DNAI2: variants seen among roughly 807,000 people sequenced by gnomAD.
DNAI2 encodes dynein, axonemal, intermediate polypeptide 2.
Under a neutral mutation model 74.7 loss-of-function variants are expected in DNAI2, and 63 were observed. That is an observed-to-expected ratio of 0.84 (90% CI 0.69 to 1.04). The LOEUF (loss-of-function observed/expected upper bound fraction) is 1.04. Among genes scored for constraint, DNAI2 ranks in the 50% least tolerant of loss-of-function variants. The probability of loss-of-function intolerance (pLI) is 0.00; values close to 1 mark genes in which losing one functional copy is unlikely to be tolerated. For missense variants in DNAI2, 688 were observed against 803.2 expected (o/e 0.86, Z 1.73); for synonymous variants, 289 against 314.9 (o/e 0.92, Z 0.87).
rs1263482357 is a variant in DNAI2, at chr17:74,305,336, G to A, written c.1105G>A (p.Ala369Thr). ...TFPGHHGPIYALQRNPFYPKN... is the reference protein window; with the variant it reads ...TFPGHHGPIYTLQRNPFYPKN... Reference sequence around the variant, plus strand: ...CCCGGGCCATCATGGCCCCATCTACGCCCTCCAGAGAAACCCCTTCTACCC... The same window carrying A: ...CCCGGGCCATCATGGCCCCATCTACACCCTCCAGAGAAACCCCTTCTACCC... The change falls in exon 9 of 14, where the codon GCC becomes ACC. Residue 369 changes from alanine (A) to threonine (T), a missense_variant. Ala to Thr is a moderately conservative substitution (Grantham distance 58). Transcript: ENST00000311014. 57 of 1,614,036 alleles carry A rather than the reference G, an allele frequency of 3.5e-5. No individual in the cohort carries two copies. Among genetic ancestry groups the A allele is most frequent in the Non-Finnish European group, 4.3e-5 (51 of 1,180,046 alleles).
intron 6 of DNAI2, among the ~76,000 whole-genome samples, chr17:74,296,316 A>AGAGAAAGAGAGAGAGAGAG (rs1598304438): frequency 1.0e-5 from 1 of 97,668 alleles, no homozygotes; most frequent in East Asian, 2.2e-4. Flanking sequence ...CTTTAAAGAG[A>AGAGAAAGAGAGAGAGAGAG]GAGAGAGAGA....
At chr17:74,306,893 C>G (rs1251672656) in intron 9 of DNAI2, among the ~76,000 whole-genome samples, 1 of 152,256 alleles carries the variant, frequency 6.6e-6, no homozygotes, top group African/African-American at 2.4e-5. Flanking sequence ...GCTGGGATTA[C>G]AGGCATGAGC....
At position 74,309,342 on chromosome 17, in the gene DNAI2, T is replaced by A. The variant is rs201294141; in HGVS notation, c.1301T>A (p.Ile434Asn). 6 of 1,614,170 alleles carry A rather than the reference T, an allele frequency of 3.7e-6. No homozygotes were observed. The African/African-American group carries it at 6.7e-5, about 18-fold the overall frequency. Residue 434 changes from isoleucine (I) to asparagine (N), a missense_variant, in exon 10 of 14, where the codon ATC becomes AAC. Transcript: ENST00000311014. ...ACCAGGATGGACGGAACCCTGGATA[T>A]CTGGGACTTCATGTTCGAGCAGTGC... Reference protein sequence around the residue: ...FTTRMDGTLDIWDFMFEQCDP... With the variant: ...FTTRMDGTLDNWDFMFEQCDP...
At chr17:74,310,300 G>A in intron 11 of DNAI2, 137 bp downstream of exon 11, 1 of 1,311,290 alleles carries the variant, frequency 7.6e-7, no homozygotes, top group East Asian at 2.5e-5. Context: ...GGGAAGCAGT[G>A]TGGGCTCCAT....
chr17:74,292,802 CTA>C (rs1405293041), intron 6 of DNAI2, among the ~76,000 whole-genome samples: 2 of 150,366 alleles, frequency 1.3e-5, no homozygotes, highest in African/African-American at 4.9e-5. Flanking sequence ...CTTGAGAAGA[CTA>C]TATTCTGCTT....
At chr17:74,304,920 C>T (rs1246314407) in intron 8 of DNAI2, among the ~76,000 whole-genome samples, 3 of 152,170 alleles carry the variant, frequency 2.0e-5, no homozygotes, top group African/African-American at 7.2e-5. Flanking sequence ...CCAAATGCAT[C>T]GAGGACACAG....
At chr17:74,299,115 A>C (rs576490204) in intron 6 of DNAI2, among the ~76,000 whole-genome samples, 44 of 152,164 alleles carry the variant, frequency 2.9e-4, no homozygotes, top group Non-Finnish European at 4.6e-4. Flanking sequence ...ATGGAAACGA[A>C]ATCTAACAGG....
At chr17:74,301,204 T>C (rs200279879) in intron 8 of DNAI2, 36 bp downstream of exon 8, 74 of 1,611,718 alleles carry the variant, frequency 4.6e-5, no homozygotes, top group Admixed American at 1.3e-4. Flanking sequence ...CCGACTTGCA[T>C]TGACAGGGCA....
In DNAI2 at chr17:74,281,991, G is replaced by A. The variant is rs1381867544; in HGVS notation, c.174G>A (p.Ser58=). 5 of 1,613,958 alleles carry A rather than the reference G, an allele frequency of 3.1e-6. No individual in the cohort carries two copies. The highest frequency in any genetic ancestry group is 1.1e-5 in the South Asian group (1 of 91,074). The part of the protein sequence containing the change: ...DTGIQCSISM[S]EHEANSERFE... The stretch of plus-strand genomic sequence containing the variant: ...GCATCCAGTGCTCGATCAGCATGTC[G>A]GAACACGAGGTGGGTCCCTGCCCCA... Residue 58 remains serine, a synonymous_variant, in exon 2 of 14, where the codon TCG becomes TCA. Transcript: ENST00000311014.
rs778997016 is a variant in DNAI2, at chr17:74,305,403, G to C, written c.1172G>C (p.Trp391Ser). The change falls in exon 9 of 14, where the codon TGG (tryptophan) becomes TCG (serine). Residue 391 changes from tryptophan to serine, a missense_variant. Transcript: ENST00000311014. Reference sequence around the variant, plus strand: ...GTTGGCGACTGGACAGCCCGCATTTGGTCTGAAGACAGCCGGGAATCGTCC... The same window carrying C: ...GTTGGCGACTGGACAGCCCGCATTTCGTCTGAAGACAGCCGGGAATCGTCC... ...LTVGDWTARI[W>S]SEDSRESSIM... 3.4e-5 allele frequency: 55 copies of C among 1,614,030 alleles called. 1 individual carries two copies. The highest frequency in any genetic ancestry group is 3.1e-5 in the Non-Finnish European group (37 of 1,180,042).
intron 8 of DNAI2, among the ~76,000 whole-genome samples, chr17:74,304,921 G>A (rs951290435): frequency 1.3e-5 from 2 of 152,116 alleles, no homozygotes; most frequent in Non-Finnish European, 2.9e-5. Flanking sequence ...CAAATGCATC[G>A]AGGACACAGT....
rs554103158 is a variant in DNAI2, at chr17:74,281,869, T to C, written c.52T>C (p.Cys18Arg). The C allele has an allele frequency of 6.2e-7, 1 of 1,614,084 alleles. No individual in the cohort carries two copies. Among genetic ancestry groups the C allele is most frequent in the South Asian group, 1.1e-5 (1 of 91,078 alleles). The change falls in exon 2 of 14, where the codon TGC (cysteine) becomes CGC (arginine). Residue 18 changes from cysteine (C) to arginine (R), a missense_variant. Cys to Arg is a radical substitution (Grantham distance 180, BLOSUM62 -3). Coordinates refer to ENST00000311014, the MANE Select transcript of DNAI2 (RefSeq NM_023036.6). Reference sequence around the variant, plus strand: ...GAAGCGCAGCGAGTTCGGGAAGCAGTGCAATTTCTCGGACCGCCAGGCCGA... The same window carrying C: ...GAAGCGCAGCGAGTTCGGGAAGCAGCGCAATTTCTCGGACCGCCAGGCCGA... The part of the protein sequence containing the change: ...VKKRSEFGKQ[C>R]NFSDRQAELN...
intron 6 of DNAI2, among the ~76,000 whole-genome samples, chr17:74,295,232 T>TCA (rs781533751): frequency 8.1e-5 from 1 of 12,386 alleles, no homozygotes; most frequent in South Asian, 0.011. Context: ...CCATCTCTAC[T>TCA]TAAAAAAAAA....
At chr17:74,285,978 G>T (rs566761169) in intron 3 of DNAI2, among the ~76,000 whole-genome samples, 9,824 of 141,386 alleles carry the variant, frequency 0.069, 367 homozygotes, top group Middle Eastern at 0.094. Flanking sequence ...TATAGAGAGA[G>T]AGAGAGAGAG....
At chr17:74,304,157 TTTTC>T (rs1325526714) in intron 8 of DNAI2, among the ~76,000 whole-genome samples, 5 of 151,140 alleles carry the variant, frequency 3.3e-5, no homozygotes, top group South Asian at 4.2e-4. Flanking sequence ...TTCTTTTTTC[TTTTC>T]TTTTCTTTTT....
rs563085701 is a variant in DNAI2, at chr17:74,285,155, T to A, written c.299T>A (p.Val100Glu). The A allele has an allele frequency of 6.2e-7, 1 of 1,614,032 alleles. No individual in the cohort carries two copies. The highest frequency in any genetic ancestry group is 1.3e-5 in the African/African-American group (1 of 74,994). ...CAGACCATCCGTTTCCGGAAGAAAG[T>A]GGAGAAAGATGAGAACTACGTTAAC... ...LEQTIRFRKK[V>E]EKDENYVNAI... The change falls in exon 3 of 14, where the codon GTG becomes GAG. Residue 100 changes from valine (V) to glutamate (E), a missense_variant. Coordinates refer to ENST00000311014, the MANE Select transcript of DNAI2 (RefSeq NM_023036.6).
At chr17:74,281,745 C>T (rs778246376) in intron 1 of DNAI2, 62 bp from the exon 2 acceptor site, 1 of 1,548,898 alleles carries the variant, frequency 6.5e-7, no homozygotes, top group Non-Finnish European at 8.9e-7. Context: ...CTGGCAGGAC[C>T]TGTGGAGATA....
intron 5 of DNAI2, among the ~76,000 whole-genome samples, chr17:74,290,344 CA>C (rs761668503): frequency 7.2e-5 from 11 of 152,162 alleles, no homozygotes; most frequent in Admixed American, 1.3e-4. Flanking sequence ...GAGTGCCCAG[CA>C]GACTGAGAAG....
In DNAI2 at chr17:74,299,746, G is replaced by A. The variant is rs1386218996; in HGVS notation, c.753G>A (p.Leu251=). ...GCTGGGACACCCGAAAGGGCAGCCTGGTGGCGGAGCTATCCACCATTGAGT... is the reference window on the plus strand; with the variant it reads ...GCTGGGACACCCGAAAGGGCAGCCTAGTGGCGGAGCTATCCACCATTGAGT... ...IACWDTRKGS[L]VAELSTIESS... Residue 251 remains leucine (L), a synonymous_variant, in exon 7 of 14, where the codon CTG becomes CTA. Coordinates refer to ENST00000311014, the MANE Select transcript of DNAI2 (RefSeq NM_023036.6). 1.2e-6 allele frequency: 2 copies of A among 1,613,454 alleles called. No individual in the cohort carries two copies. Among genetic ancestry groups the A allele is most frequent in the Admixed American group, 1.7e-5 (1 of 60,000 alleles).
Sources: allele counts gnomAD v4.1 joint callset (sites outside exome capture counted in the v4.1 genomes callset), GRCh38; gene constraint gnomAD v4.1.1; transcripts MANE v1.5; gene names NCBI Gene and HGNC (gene_info 2026-07-23, HGNC 2026-07-21).